Variants in ABAT observed in about 807,000 individuals in gnomAD.
ABAT encodes the protein 4-aminobutyrate aminotransferase, mitochondrial.
Under a neutral mutation model 64.6 loss-of-function variants are expected in ABAT, and 45 were observed. That is an observed-to-expected ratio of 0.70 (90% CI 0.55 to 0.89). The LOEUF is 0.89. Among genes scored for constraint, ABAT ranks in the 40% least tolerant of loss-of-function variants. The pLI is 0.00. For synonymous variants in ABAT, 297 were observed against 250.5 expected, an observed-to-expected ratio of 1.19 and a Z score of -1.75; for missense variants, 633 against 658.4, an observed-to-expected ratio of 0.96 and a Z score of 0.42.
chr16:8,762,619 G>A (rs942148126), intron 6 of ABAT, among the ~76,000 whole-genome samples: 2 of 152,124 alleles, frequency 1.3e-5, no homozygotes, highest in African/African-American at 2.4e-5. Flanking sequence ...TTAATGTCAC[G>A]CTTTCTCGAG....
At chr16:8,777,360 A>T (rs1471933740) in intron 14 of ABAT, among the ~76,000 whole-genome samples, 1 of 151,960 alleles carries the variant, frequency 6.6e-6, no homozygotes, top group Non-Finnish European at 1.5e-5. Context: ...CTGGAGCTGG[A>T]TTACTCTCTA....
At chr16:8,767,192 G>A (rs1220655096) in intron 9 of ABAT, among the ~76,000 whole-genome samples, 4 of 152,230 alleles carry the variant, frequency 2.6e-5, no homozygotes, top group Non-Finnish European at 4.4e-5. Context: ...TGGGTGAAGA[G>A]TCAGAAAACA....
At position 8,779,566 on chromosome 16, in the gene ABAT, C is replaced by T. The variant is rs1273409992; in HGVS notation, c.1357C>T (p.Leu453Phe). Residue 453 changes from leucine (L) to phenylalanine (F), a missense_variant, in exon 15 of 16, where the codon CTC (leucine) becomes TTC (phenylalanine). Coordinates refer to ENST00000268251, the MANE Select transcript of ABAT (RefSeq NM_020686.6). ...TCCCGATGATTCCATACGGAATAAG[C>T]TCATTTTAATTGCCAGAAACAAAGG... ...DTPDDSIRNK[L>F]ILIARNKGVV... The T allele has an allele frequency of 1.2e-6, 2 of 1,613,990 alleles. No homozygotes were observed. The highest frequency in any genetic ancestry group is 4.5e-5 in the East Asian group (2 of 44,904).
At chr16:8,737,788 T>G (rs2142433295) in intron 2 of ABAT, among the ~76,000 whole-genome samples, 1 of 146,360 alleles carries the variant, frequency 6.8e-6, no homozygotes, top group Admixed American at 6.9e-5. Flanking sequence ...ATTAGCCGGG[T>G]GTGGTGGCAG....
chr16:8,709,925 G>A (rs559525755), intron 1 of ABAT, among the ~76,000 whole-genome samples: 19 of 151,592 alleles, frequency 1.3e-4, no homozygotes, highest in South Asian at 2.1e-4. Flanking sequence ...TCCCTCCGCC[G>A]CCTGAGTAGC....
At chr16:8,749,386 CTTTTTTTTTT>C (rs1160144275) in intron 4 of ABAT, among the ~76,000 whole-genome samples, 4 of 31,984 alleles carry the variant, frequency 1.3e-4, no homozygotes, top group East Asian at 1.2e-3. Context: ...CGCACCCGGC[CTTTTTTTTTT>C]TTTTTTTTTT....
chr16:8,735,418 A>G (rs1640997), intron 1 of ABAT, among the ~76,000 whole-genome samples: 108,576 of 151,698 alleles, frequency 0.72, 39,731 homozygotes, highest in Non-Finnish European at 0.8. Flanking sequence ...CACCCAGCTA[A>G]TTTTTAAAGT....
At chr16:8,737,795 G>C (rs1219710550) in intron 2 of ABAT, among the ~76,000 whole-genome samples, 2 of 150,386 alleles carry the variant, frequency 1.3e-5, no homozygotes, top group Admixed American at 1.3e-4. Context: ...GGGTGTGGTG[G>C]CAGGCACCTG....
chr16:8,683,934 G>A (rs1214722032), intron 1 of ABAT, among the ~76,000 whole-genome samples: 2 of 144,188 alleles, frequency 1.4e-5, no homozygotes, highest in Non-Finnish European at 3.0e-5. Flanking sequence ...GGGTGTGTGC[G>A]TGTCTATGTG....
chr16:8,724,241 C>T (rs974189411), intron 1 of ABAT, among the ~76,000 whole-genome samples: 1 of 152,088 alleles, frequency 6.6e-6, no homozygotes, highest in Non-Finnish European at 1.5e-5. Flanking sequence ...CATCACTAAT[C>T]TATCACATTT....
rs376506551 is a variant in ABAT, at chr16:8,768,276, C to T, written c.667+20C>T. The T allele has an allele frequency of 2.5e-6, 4 of 1,612,986 alleles. No individual in the cohort carries two copies. Among genetic ancestry groups the T allele is most frequent in the Admixed American group, 1.7e-5 (1 of 59,998 alleles). On this transcript the variant is annotated intron_variant, in intron 10 of 15. Coordinates refer to ENST00000268251, the MANE Select transcript of ABAT (RefSeq NM_020686.6). ...CCATGGGTAAGGAGGGACCATTGCGCTCCCAAGGTGGCGTTTAGAATAGTA... is the reference window on the plus strand; with the variant it reads ...CCATGGGTAAGGAGGGACCATTGCGTTCCCAAGGTGGCGTTTAGAATAGTA...
At chr16:8,724,233 T>A (rs1407191245) in intron 1 of ABAT, among the ~76,000 whole-genome samples, 2 of 152,042 alleles carry the variant, frequency 1.3e-5, no homozygotes, top group Non-Finnish European at 2.9e-5. Flanking sequence ...ATAACAGACA[T>A]CACTAATCTA....
intron 1 of ABAT, among the ~76,000 whole-genome samples, chr16:8,680,253 T>C (rs1158356831): frequency 6.6e-6 from 1 of 152,206 alleles, no homozygotes; most frequent in African/African-American, 2.4e-5. Context: ...CATAATTGCC[T>C]GGAAGCAGCC....
intron 1 of ABAT, among the ~76,000 whole-genome samples, chr16:8,703,381 G>A (rs985012303): frequency 7.2e-5 from 11 of 152,136 alleles, no homozygotes; most frequent in Admixed American, 2.0e-4. Flanking sequence ...GCTTGAACCC[G>A]GAAGGCGGAG....
At chr16:8,683,511 A>G (rs148490561) in intron 1 of ABAT, 1 of 151,332 alleles carries the variant, frequency 6.6e-6, no homozygotes, top group African/African-American at 2.4e-5. Context: ...GTAAATAGCT[A>G]CTGCACTCCA....
intron 2 of ABAT, among the ~76,000 whole-genome samples, chr16:8,742,899 A>T (rs375108283): frequency 1.4e-5 from 2 of 145,208 alleles, no homozygotes; most frequent in African/African-American, 5.0e-5. Context: ...AGCCGGGCGC[A>T]GTGTTGTGTG....
Position 8,735,806 on chromosome 16 carries a change from C to T in ABAT, c.67C>T (p.Pro23Ser). ...SFQHSYRLLV[P>S]GSRHISQAAA... ...CCAGCACAGCTACCGCCTGCTGGTG[C>T]CTGGTAAGCCCCGGGGGTCTTGATA... The change falls in exon 2 of 16, where the codon CCT (proline) becomes TCT (serine). Residue 23 changes from proline (P) to serine (S), a missense_variant. Pro to Ser is a moderately conservative substitution (Grantham distance 74). Transcript: ENST00000268251. 2 of 1,601,926 alleles carry T rather than the reference C, an allele frequency of 1.2e-6. No individual in the cohort carries two copies. The highest frequency in any genetic ancestry group is 1.7e-6 in the Non-Finnish European group (2 of 1,174,394).
intron 1 of ABAT, chr16:8,714,740 G>C (rs2058164646): frequency 6.6e-6 from 1 of 152,474 alleles, no homozygotes; most frequent in Non-Finnish European, 1.5e-5. Flanking sequence ...GTTGCTCTAA[G>C]TGAACCCTGA....
intron 1 of ABAT, among the ~76,000 whole-genome samples, chr16:8,724,041 A>G (rs1176896991): frequency 6.6e-6 from 1 of 151,350 alleles, no homozygotes; most frequent in Non-Finnish European, 1.5e-5. Context: ...GGATTTCACC[A>G]TTTTGGCCAG....
Sources: gnomAD v4.1 joint callset for allele counts (sites outside exome capture counted in the v4.1 genomes callset) on GRCh38, gnomAD v4.1.1 for gene constraint, MANE v1.5 for transcripts, NCBI Gene and HGNC (gene_info 2026-07-23, HGNC 2026-07-21) for gene names.